Variants in GULP1 observed in about 807,000 individuals in gnomAD.
The protein encoded by GULP1 is PTB domain-containing engulfment adapter protein 1.
Under a neutral mutation model 40.9 loss-of-function variants are expected in GULP1, and 19 were observed. That is an observed-to-expected ratio of 0.46 (90% CI 0.32 to 0.68). The LOEUF is 0.68. Ranked by LOEUF, GULP1 falls within the 30% of genes least tolerant of loss-of-function variation. GULP1 has a pLI of 0.03. For synonymous variants in GULP1, 119 were observed against 117.6 expected (o/e 1.01, Z -0.08); for missense variants, 312 against 362.2 (o/e 0.86, Z 1.12).
chr2:188,457,485 C>A (rs2059362015), intron 2 of GULP1, among the ~76,000 whole-genome samples: 1 of 152,156 alleles, frequency 6.6e-6, no homozygotes, highest in Non-Finnish European at 1.5e-5. Context: ...TGACTTGCTC[C>A]TGTTGCCATG....
chr2:188,413,718 A>T (rs1217275404), intron 2 of GULP1, among the ~76,000 whole-genome samples: 1 of 152,200 alleles, frequency 6.6e-6, no homozygotes, highest in Non-Finnish European at 1.5e-5. Flanking sequence ...CAGCCACAAT[A>T]TAAATTCCTA....
At chr2:188,313,370 G>C (rs1165554706) in intron 1 of GULP1, among the ~76,000 whole-genome samples, 1 of 152,008 alleles carries the variant, frequency 6.6e-6, no homozygotes, top group Non-Finnish European at 1.5e-5. Flanking sequence ...CTGAATAGGA[G>C]ATCCCTTACC....
intron 7 of GULP1, among the ~76,000 whole-genome samples, chr2:188,564,410 C>G (rs184617483): frequency 2.0e-5 from 3 of 151,724 alleles, no homozygotes; most frequent in African/African-American, 7.2e-5. Flanking sequence ...ACAAAGCTTA[C>G]AAATCAATGT....
At chr2:188,464,962 T>C (rs540879966) in intron 2 of GULP1, among the ~76,000 whole-genome samples, 1 of 152,248 alleles carries the variant, frequency 6.6e-6, no homozygotes, top group East Asian at 1.9e-4. Flanking sequence ...AGTCAAGTCC[T>C]AGAATCAGAG....
intron 2 of GULP1, among the ~76,000 whole-genome samples, chr2:188,470,020 T>G (rs751861723): frequency 9.9e-5 from 15 of 152,148 alleles, no homozygotes; most frequent in Admixed American, 3.3e-4. Context: ...ATAGTTTTCT[T>G]TTTTTCAGAT....
intron 7 of GULP1, among the ~76,000 whole-genome samples, chr2:188,548,086 C>A (rs1158711984): frequency 6.6e-6 from 1 of 152,018 alleles, no homozygotes; most frequent in African/African-American, 2.4e-5. Flanking sequence ...ACTTTTCACT[C>A]TCTTGGCTCA....
chr2:188,456,792 A>G (rs1269055737), intron 2 of GULP1, among the ~76,000 whole-genome samples: 1 of 151,980 alleles, frequency 6.6e-6, no homozygotes, highest in African/African-American at 2.4e-5. Context: ...AGCCACAGAC[A>G]CTCATTGCCA....
chr2:188,316,201 T>C (rs893345672), intron 1 of GULP1, among the ~76,000 whole-genome samples: 1 of 152,180 alleles, frequency 6.6e-6, no homozygotes, highest in South Asian at 2.1e-4. Flanking sequence ...CAACTCATTT[T>C]CTGTTTTTGT....
chr2:188,398,991 C>T (rs937094319), intron 2 of GULP1, among the ~76,000 whole-genome samples: 1 of 152,064 alleles, frequency 6.6e-6, no homozygotes, highest in African/African-American at 2.4e-5. Context: ...GTTAGGTAGC[C>T]TGACAATCTA....
chr2:188,541,783 T>C, intron 7 of GULP1: 1 of 178,590 alleles, frequency 5.6e-6, no homozygotes, highest in East Asian at 1.5e-4. Context: ...GATTTTCCAA[T>C]ACACTGAAAA....
At chr2:188,317,438 G>C (rs1409585083) in intron 1 of GULP1, among the ~76,000 whole-genome samples, 1 of 152,126 alleles carries the variant, frequency 6.6e-6, no homozygotes, top group Non-Finnish European at 1.5e-5. Flanking sequence ...GTGACAACCA[G>C]AGAGAAATAT....
intron 1 of GULP1, among the ~76,000 whole-genome samples, chr2:188,305,004 G>A (rs2036809326): frequency 6.6e-6 from 1 of 152,000 alleles, no homozygotes; most frequent in Admixed American, 6.6e-5. Context: ...CACAGGTTGA[G>A]GGCTCATTCC....
At chr2:188,518,386 C>A (rs1347801455) in intron 4 of GULP1, among the ~76,000 whole-genome samples, 1 of 152,114 alleles carries the variant, frequency 6.6e-6, no homozygotes, top group African/African-American at 2.4e-5. Flanking sequence ...TACCTCACCT[C>A]CAAACAAATA....
chr2:188,413,627 C>T (rs886106458), intron 2 of GULP1, among the ~76,000 whole-genome samples: 3 of 152,082 alleles, frequency 2.0e-5, no homozygotes, highest in South Asian at 2.1e-4. Context: ...ATTTTTCCTC[C>T]GAATATCAGT....
chr2:188,356,059 C>G (rs561975932), intron 1 of GULP1, among the ~76,000 whole-genome samples: 8 of 152,078 alleles, frequency 5.3e-5, no homozygotes, highest in South Asian at 2.1e-4. Context: ...CCATGTATGA[C>G]AAACTCACAA....
At position 188,575,998 on chromosome 2, in the gene GULP1, G is replaced by A. The variant is rs569383232; in HGVS notation, c.609+5878G>A. The stretch of plus-strand genomic sequence containing the variant: ...AAAATTTACTAATGGATTGGTTGGG[G>A]GCAGTACACACACACACACACAAAA... On this transcript the variant is annotated intron_variant, in intron 9 of 11. Coordinates refer to ENST00000409830, the MANE Select transcript of GULP1 (RefSeq NM_016315.4). Among the ~76,000 whole-genome samples, 13 of 152,118 alleles carry A rather than the reference G, an allele frequency of 8.5e-5. 1 individual carries two copies. The highest frequency in any genetic ancestry group is 6.8e-3 in the Middle Eastern group (2 of 294).
At chr2:188,584,530 T>C in intron 10 of GULP1, 127 bp downstream of exon 10, 1 of 424,990 alleles carries the variant, frequency 2.4e-6, no homozygotes, top group Non-Finnish European at 4.1e-6. Context: ...TAAAGTATTA[T>C]TTTTATATTT....
At chr2:188,569,081 C>T (rs933127861) in intron 7 of GULP1, among the ~76,000 whole-genome samples, 158 bp from the exon 8 acceptor site, 1 of 152,068 alleles carries the variant, frequency 6.6e-6, no homozygotes, top group Admixed American at 6.6e-5. Context: ...TAGCCTACTA[C>T]CTTGCTCATT....
At chr2:188,561,556 A>G (rs1302806818) in intron 7 of GULP1, among the ~76,000 whole-genome samples, 1 of 152,116 alleles carries the variant, frequency 6.6e-6, no homozygotes, top group African/African-American at 2.4e-5. Context: ...GGGTTGGGTA[A>G]TCCACATGAT....
Sources: allele counts gnomAD v4.1 joint callset (sites outside exome capture counted in the v4.1 genomes callset), GRCh38; gene constraint gnomAD v4.1.1; transcripts MANE v1.5; gene names NCBI Gene and HGNC (gene_info 2026-07-23, HGNC 2026-07-21).